RASGEF1B: variants seen among roughly 807,000 people sequenced by gnomAD.
RASGEF1B encodes the protein ras-GEF domain-containing family member 1B.
In RASGEF1B, 30 loss-of-function variants were observed where a neutral mutation model predicts 65.7. The ratio of observed to expected loss-of-function variants is 0.46; its 90% CI spans 0.34 to 0.62. RASGEF1B has a LOEUF of 0.62. RASGEF1B is among the 20% of genes least tolerant of loss of function. The pLI is 0.01. For synonymous variants in RASGEF1B, 175 were observed against 194.8 expected (o/e 0.90, Z 0.85); for missense variants, 495 against 580.1 (o/e 0.85, Z 1.51).
At chr4:81,444,640 G>A (rs1442080077) in intron 8 of RASGEF1B, among the ~76,000 whole-genome samples, 3 of 152,104 alleles carry the variant, frequency 2.0e-5, no homozygotes, top group Admixed American at 6.5e-5. Context: ...TGGTTCAAGC[G>A]ATTCTCTTGC....
At chr4:81,459,622 A>G in intron 1 of RASGEF1B, 108 bp from the exon 2 acceptor site, 1 of 833,848 alleles carries the variant, frequency 1.2e-6, no homozygotes, top group Non-Finnish European at 1.8e-6. Context: ...AGAATAGGCA[A>G]TTAAAATAGT....
intron 10 of RASGEF1B, among the ~76,000 whole-genome samples, chr4:81,439,318 A>G (rs1170543476): frequency 1.3e-5 from 2 of 152,222 alleles, no homozygotes; most frequent in Non-Finnish European, 2.9e-5. Flanking sequence ...TATGAACTAC[A>G]GAGTACAATT....
chr4:81,435,417 C>CAAAA (rs754067756), intron 10 of RASGEF1B, among the ~76,000 whole-genome samples: 1 of 55,380 alleles, frequency 1.8e-5, no homozygotes, highest in Non-Finnish European at 3.4e-5. Context: ...GACTCCCTCT[C>CAAAA]AAAAAAAAAA....
chr4:81,435,774 CTTTTTT>C (rs34304493), intron 10 of RASGEF1B, among the ~76,000 whole-genome samples: 76 of 91,612 alleles, frequency 8.3e-4, no homozygotes, highest in Non-Finnish European at 1.2e-3. Flanking sequence ...CGCGCCTGGC[CTTTTTT>C]TTTTTTTTTT....
rs142442014 is a variant in RASGEF1B, at chr4:81,446,497, G to A, written c.730-659C>T. ...AAAACAATCCCGACTCAGATAGAGT[G>A]CAAATACCAACTGCTATAATCGATA... On this transcript the variant is annotated intron_variant, in intron 6 of 13. Coordinates refer to ENST00000264400, the MANE Select transcript of RASGEF1B (RefSeq NM_152545.3). Among the ~76,000 whole-genome samples the A allele has an allele frequency of 2.0e-3, 312 of 152,318 alleles. 2 individuals are homozygous for A. The highest frequency in any genetic ancestry group is 7.1e-3 in the African/African-American group (294 of 41,568).
At chr4:81,431,114 T>C (rs765489532) in intron 13 of RASGEF1B, among the ~76,000 whole-genome samples, 36 of 152,022 alleles carry the variant, frequency 2.4e-4, no homozygotes, top group Non-Finnish European at 4.4e-4. Flanking sequence ...CAGCAAGATA[T>C]GCACTCTGAG....
intron 1 of RASGEF1B, among the ~76,000 whole-genome samples, chr4:81,465,412 C>G (rs1254532634): frequency 6.6e-6 from 1 of 152,204 alleles, no homozygotes; most frequent in Non-Finnish European, 1.5e-5. Flanking sequence ...AACCCAGGTA[C>G]ACAAGATGAA....
At chr4:81,448,493 G>A (rs567829388) in intron 4 of RASGEF1B, among the ~76,000 whole-genome samples, 26 of 152,096 alleles carry the variant, frequency 1.7e-4, no homozygotes, top group Non-Finnish European at 3.7e-4. Flanking sequence ...TTCTTCTTTG[G>A]GGTTGCGACT....
chr4:81,460,681 G>A (rs1256941085), intron 1 of RASGEF1B, among the ~76,000 whole-genome samples: 1 of 152,210 alleles, frequency 6.6e-6, no homozygotes, highest in African/African-American at 2.4e-5. Context: ...GCCTCAGCAG[G>A]GGGCGGCCAG....
At chr4:81,471,458 G>A (rs574033616) in intron 1 of RASGEF1B, among the ~76,000 whole-genome samples, 52 of 152,306 alleles carry the variant, frequency 3.4e-4, no homozygotes, top group Admixed American at 7.2e-4. Context: ...GGCCCTGCCC[G>A]GGTCCCAGCG....
At chr4:81,458,129 T>C (rs903997949) in intron 2 of RASGEF1B, among the ~76,000 whole-genome samples, 3 of 152,220 alleles carry the variant, frequency 2.0e-5, no homozygotes, top group Non-Finnish European at 4.4e-5. Context: ...AGTGTTTGTG[T>C]CAGAACATTC....
chr4:81,436,992 G>T (rs1721651445), intron 10 of RASGEF1B, among the ~76,000 whole-genome samples: 1 of 152,134 alleles, frequency 6.6e-6, no homozygotes, highest in South Asian at 2.1e-4. Context: ...CTTCTAACGT[G>T]ATTAGCTATT....
chr4:81,435,351 C>T (rs1238930246), intron 10 of RASGEF1B, among the ~76,000 whole-genome samples: 2 of 134,226 alleles, frequency 1.5e-5, no homozygotes, highest in East Asian at 2.4e-4. Context: ...GCGGAGCTTG[C>T]AGTGAGCCGA....
rs972381835 is a variant in RASGEF1B at position 81,426,593 on chromosome 4, G to T, written c.*1175C>A. On this transcript the variant is annotated 3_prime_UTR_variant, in exon 14 of 14. Coordinates refer to ENST00000264400, the MANE Select transcript of RASGEF1B (RefSeq NM_152545.3). Reference sequence around the variant, plus strand: ...AATTACTACTCTACAGTTTCTTCTAGAGTAAATAAATATAATGGCTGTTTG... The same window carrying T: ...AATTACTACTCTACAGTTTCTTCTATAGTAAATAAATATAATGGCTGTTTG... The T allele has an allele frequency of 1.3e-5, 2 of 152,128 alleles. No individual in the cohort carries two copies. Among genetic ancestry groups the T allele is most frequent in the Admixed American group, 1.3e-4 (2 of 15,280 alleles). 9.4% of individuals were successfully genotyped at this position (152,128 alleles called of 1,614,324 possible).
intron 1 of RASGEF1B, among the ~76,000 whole-genome samples, chr4:81,465,038 C>T (rs181012914): frequency 1.9e-3 from 281 of 149,542 alleles, no homozygotes; most frequent in Middle Eastern, 3.4e-3. Flanking sequence ...GAGCTAAGAT[C>T]GTGCCATTGC....
intron 1 of RASGEF1B, among the ~76,000 whole-genome samples, chr4:81,464,844 G>A (rs1722753539): frequency 1.3e-5 from 2 of 152,234 alleles, no homozygotes; most frequent in Middle Eastern, 3.4e-3. Flanking sequence ...CAGCACTTCG[G>A]GAGGCTGAGG....
At chr4:81,466,707 T>C (rs575687388) in intron 1 of RASGEF1B, among the ~76,000 whole-genome samples, 1 of 140,448 alleles carries the variant, frequency 7.1e-6, no homozygotes, top group African/African-American at 2.7e-5. Flanking sequence ...TGCAGTGAGC[T>C]GAGAACGCGC....
chr4:81,450,419 G>C (rs550944575), intron 4 of RASGEF1B, among the ~76,000 whole-genome samples: 1 of 152,134 alleles, frequency 6.6e-6, no homozygotes, highest in Non-Finnish European at 1.5e-5. Context: ...AGGCTGGAGT[G>C]TAGTGGTGTG....
At chr4:81,450,094 A>T (rs973410196) in intron 4 of RASGEF1B, among the ~76,000 whole-genome samples, 6 of 152,220 alleles carry the variant, frequency 3.9e-5, no homozygotes, top group Non-Finnish European at 7.3e-5. Context: ...CTATTTGGTA[A>T]TATGTTTGTC....
Sources: gnomAD v4.1 joint callset for allele counts (sites outside exome capture counted in the v4.1 genomes callset) on GRCh38, gnomAD v4.1.1 for gene constraint, MANE v1.5 for transcripts, NCBI Gene and HGNC (gene_info 2026-07-23, HGNC 2026-07-21) for gene names.